SLC35D4: variants seen among roughly 807,000 people sequenced by gnomAD.
The protein encoded by SLC35D4 is UDP-N-acetylglucosamine transporter SLC35D4.
At chr18:23,369,455 G>C in the SLC35D4 span, among the ~76,000 whole-genome samples, 1 of 152,158 alleles carries the variant, frequency 6.6e-6, no homozygotes, top group Admixed American at 6.5e-5. Flanking sequence ...TGCAACAAAG[G>C]CCTCATTTTG....
chr18:23,341,794 T>C, the SLC35D4 span, among the ~76,000 whole-genome samples: 29 of 152,324 alleles, frequency 1.9e-4, no homozygotes, highest in African/African-American at 6.5e-4. Flanking sequence ...TAGATCTTAA[T>C]GGCTCATTGA....
At chr18:23,403,633 G>A in the SLC35D4 span, among the ~76,000 whole-genome samples, 10 of 152,210 alleles carry the variant, frequency 6.6e-5, no homozygotes, top group East Asian at 3.8e-4. Context: ...CGGAGAACAC[G>A]TTGGAACAGG....
the SLC35D4 span, among the ~76,000 whole-genome samples, chr18:23,394,806 T>C: frequency 6.6e-6 from 1 of 151,896 alleles, no homozygotes; most frequent in Admixed American, 6.6e-5. Flanking sequence ...ATTTCATCTC[T>C]AGTATTTTTT....
chr18:23,265,617 G>A, the SLC35D4 span, among the ~76,000 whole-genome samples: 5 of 149,702 alleles, frequency 3.3e-5, no homozygotes, highest in African/African-American at 4.9e-5. Flanking sequence ...TGGCCTTGAA[G>A]CAGCCCAATG....
chr18:23,277,447 T>C, the SLC35D4 span, among the ~76,000 whole-genome samples: 496 of 152,324 alleles, frequency 3.3e-3, 15 homozygotes, highest in South Asian at 0.048. Flanking sequence ...TAAACCTCTT[T>C]TGTAAATTTC....
the SLC35D4 span, among the ~76,000 whole-genome samples, chr18:23,419,945 CATATACAT>C: frequency 1.3e-5 from 2 of 152,082 alleles, no homozygotes; most frequent in African/African-American, 2.4e-5. Flanking sequence ...CGTATGTATG[CATATACAT>C]ATATACATAT....
At chr18:23,370,106 G>A in the SLC35D4 span, 6 of 856,110 alleles carry the variant, frequency 7.0e-6, no homozygotes, top group East Asian at 2.9e-5. Flanking sequence ...TTGAACCCGG[G>A]GGGTGGAGGG....
the SLC35D4 span, chr18:23,356,650 G>T: frequency 6.2e-7 from 1 of 1,614,106 alleles, no homozygotes; most frequent in Non-Finnish European, 8.5e-7. The surrounding 1 kb of genome is among the most constrained non-coding windows in gnomAD (Gnocchi z 4.1). Context: ...AGTCCAGGAC[G>T]CTGAAGAGAT....
At chr18:23,403,067 C>G in the SLC35D4 span, among the ~76,000 whole-genome samples, 1 of 152,100 alleles carries the variant, frequency 6.6e-6, no homozygotes, top group African/African-American at 2.4e-5. Flanking sequence ...GGTCGTGCCA[C>G]TGCACTCTAG....
At chr18:23,280,026 C>A in the SLC35D4 span, among the ~76,000 whole-genome samples, 1 of 152,118 alleles carries the variant, frequency 6.6e-6, no homozygotes, top group Non-Finnish European at 1.5e-5. Flanking sequence ...TTGAAGCTAC[C>A]AAGTTTATAG....
the SLC35D4 span, among the ~76,000 whole-genome samples, chr18:23,246,681 G>A: frequency 1.7e-3 from 251 of 151,554 alleles, 1 homozygote; most frequent in East Asian, 2.7e-3. Context: ...TTGAGCCACC[G>A]CACCCGGCCA....
At chr18:23,346,517 C>CT in the SLC35D4 span, among the ~76,000 whole-genome samples, 219 of 144,128 alleles carry the variant, frequency 1.5e-3, no homozygotes, top group African/African-American at 3.7e-3. Context: ...AATCTGGATG[C>CT]TTTTTTTTTT....
At chr18:23,318,087 A>T in the SLC35D4 span, among the ~76,000 whole-genome samples, 5 of 152,102 alleles carry the variant, frequency 3.3e-5, no homozygotes, top group African/African-American at 1.2e-4. Context: ...GAAGGTTCCA[A>T]TTTCTTCACA....
chr18:23,281,326 A>G, the SLC35D4 span, among the ~76,000 whole-genome samples: 1 of 151,830 alleles, frequency 6.6e-6, no homozygotes, highest in Non-Finnish European at 1.5e-5. Flanking sequence ...TTATTTATTT[A>G]TTTTACTTTT....
the SLC35D4 span, among the ~76,000 whole-genome samples, chr18:23,241,505 G>A: frequency 6.6e-6 from 1 of 152,132 alleles, no homozygotes; most frequent in Non-Finnish European, 1.5e-5. Context: ...ACTTCAGCCT[G>A]GGCGACAAGC....
the SLC35D4 span, among the ~76,000 whole-genome samples, chr18:23,432,824 T>C: frequency 1.3e-5 from 2 of 151,090 alleles, no homozygotes; most frequent in Admixed American, 6.6e-5. Context: ...TGACAAAAAA[T>C]ACAAAAATTA....
chr18:23,371,927 T>TTTTTTTTTTTTG, the SLC35D4 span, among the ~76,000 whole-genome samples: 1 of 16,738 alleles, frequency 6.0e-5, no homozygotes, highest in African/African-American at 1.9e-4. Flanking sequence ...TTCTTCCTTG[T>TTTTTTTTTTTTG]TTTTTTTGTT....
At chr18:23,370,197 A>G in the SLC35D4 span, 12 of 1,524,532 alleles carry the variant, frequency 7.9e-6, no homozygotes, top group Admixed American at 2.3e-4. Context: ...TCTCAAGGAA[A>G]AAAAAAAAAA....
At chr18:23,296,735 G>A in the SLC35D4 span, 1 of 151,642 alleles carries the variant, frequency 6.6e-6, no homozygotes, top group Middle Eastern at 3.4e-3. Flanking sequence ...AAATATAAAT[G>A]TGTATGTGTG....
Sources: gnomAD v4.1 joint callset for allele counts (sites outside exome capture counted in the v4.1 genomes callset) on GRCh38, gnomAD v4.1.1 for gene constraint, Gnocchi (gnomAD v3.1) non-coding constraint, MANE v1.5 for transcripts, NCBI Gene and HGNC (gene_info 2026-07-23, HGNC 2026-07-21) for gene names.